The following KDM4C variants were observed in gnomAD, a reference collection of about 807,000 sequenced individuals.
KDM4C encodes lysine demethylase 4C, also known as lysine-specific demethylase 4C.
A neutral mutation model predicts 129.3 loss-of-function variants in KDM4C; 81 were observed. That is an observed-to-expected ratio of 0.63 (90% CI 0.52 to 0.75). The LOEUF (loss-of-function observed/expected upper bound fraction) is 0.75, where lower values mean the gene tolerates loss of function less well. Ranked by LOEUF, KDM4C falls within the 30% of genes least tolerant of loss-of-function variation. The pLI is 0.00. For synonymous variants in KDM4C, 573 were observed against 456.1 expected (o/e 1.26, Z -3.26); for missense variants, 1,457 against 1,304.0 (o/e 1.12, Z -1.81).
chr9:6,770,767 C>CTTTTTTTTTTTTTTTTTTTTTTTTTTT (rs753670348), intron 1 of KDM4C, among the ~76,000 whole-genome samples: 1 of 81,766 alleles, frequency 1.2e-5, no homozygotes, highest in African/African-American at 4.9e-5. Context: ...GATTTTGATC[C>CTTTTTTTTTTTTTTTTTTTTTTTTTTT]TTTTTTTTTT....
At chr9:6,902,584 A>C (rs2130989869) in intron 8 of KDM4C, 1 of 152,262 alleles carries the variant, frequency 6.6e-6, no homozygotes, top group African/African-American at 2.4e-5. Context: ...TGGTGATGGG[A>C]GAACTCGCCT....
chr9:6,784,525 C>G (rs1307291463), intron 1 of KDM4C, among the ~76,000 whole-genome samples: 1 of 152,184 alleles, frequency 6.6e-6, no homozygotes, highest in Non-Finnish European at 1.5e-5. Flanking sequence ...AGCCACCACA[C>G]TCGGCCCACT....
upstream of KDM4C, among the ~76,000 whole-genome samples, chr9:6,753,868 C>CTTTTTTTT (rs869158656): frequency 3.9e-4 from 31 of 80,376 alleles, no homozygotes; most frequent in Middle Eastern, 0.012. Context: ...TCATTGAATT[C>CTTTTTTTT]TTTTTTTTTT....
chr9:6,985,906 A>G (rs993821675), intron 10 of KDM4C, among the ~76,000 whole-genome samples: 3 of 152,134 alleles, frequency 2.0e-5, no homozygotes, highest in African/African-American at 4.8e-5. Context: ...GGCCAGGCTG[A>G]TCTTGAACTT....
In KDM4C at chr9:6,814,658, C is replaced by G; in HGVS notation, c.348C>G (p.Tyr116Ter). ...GKYCTPRYLD[Y>*]EDLERKYWKN... is the part of the protein sequence containing the mutation. Reference sequence around the variant, plus strand: ...ATTGTACTCCAAGATACTTGGATTACGAAGATTTGGAGCGCAAGTACTGGA... The same window carrying G: ...ATTGTACTCCAAGATACTTGGATTAGGAAGATTTGGAGCGCAAGTACTGGA... The change falls in exon 4 of 22, where the codon TAC becomes TAG. Residue 116 changes from tyrosine (Y) to a stop codon, truncating the protein, a stop_gained. Transcript: ENST00000381309. LOFTEE classifies it high-confidence loss of function. 2.5e-6 allele frequency: 4 copies of G among 1,604,780 alleles called. No homozygotes were observed. The highest frequency in any genetic ancestry group is 2.6e-6 in the Non-Finnish European group (3 of 1,175,452).
At chr9:7,081,435 A>G (rs565194846) in intron 17 of KDM4C, among the ~76,000 whole-genome samples, 19 of 152,306 alleles carry the variant, frequency 1.2e-4, no homozygotes, top group African/African-American at 4.6e-4. Flanking sequence ...CCAGTGCCCC[A>G]TCCAGCATAC....
chr9:7,066,846 C>T (rs1244976295), intron 17 of KDM4C, among the ~76,000 whole-genome samples: 3 of 152,148 alleles, frequency 2.0e-5, no homozygotes, highest in Non-Finnish European at 2.9e-5. Flanking sequence ...TAGGAAGAAG[C>T]CATCCAGAGA....
At chr9:7,147,916 C>G (rs1048172898) in intron 19 of KDM4C, among the ~76,000 whole-genome samples, 3 of 152,212 alleles carry the variant, frequency 2.0e-5, no homozygotes, top group African/African-American at 7.2e-5. Context: ...GCCCGCTAGG[C>G]TCGTTCCGTC....
At chr9:7,140,164 A>G (rs770741196) in intron 19 of KDM4C, among the ~76,000 whole-genome samples, 1 of 151,824 alleles carries the variant, frequency 6.6e-6, no homozygotes, top group Non-Finnish European at 1.5e-5. Context: ...GCTGTGACCA[A>G]TTATTAGTTT....
chr9:6,849,508 G>T lies in KDM4C; in HGVS notation c.437G>T (p.Gly146Val), dbSNP rs750849589. ...ADINGSIYDE[G>V]VDEWNIARLN... ...CTCTTTTTTTCTCTCTCATTCCAGG[G>T]TGTGGATGAATGGAACATAGCTCGC... is the stretch of plus-strand genomic sequence containing the variant. The change falls in exon 5 of 22, where the codon GGT (glycine) becomes GTT (valine). Residue 146 changes from glycine to valine, a missense_variant and splice_region_variant. Physicochemically the swap from Gly to Val is moderately radical, Grantham distance 109 (BLOSUM62 -3). Transcript: ENST00000381309. 8.4e-6 allele frequency: 13 copies of T among 1,549,134 alleles called. No individual in the cohort carries two copies. The highest frequency in any genetic ancestry group is 1.1e-5 in the Non-Finnish European group (13 of 1,138,916).
Position 6,826,774 on chromosome 9 carries a change from G to T in KDM4C, c.435+12029G>T, listed in dbSNP as rs529187334. On this transcript the variant is annotated intron_variant, in intron 4 of 21. Coordinates refer to ENST00000381309, the MANE Select transcript of KDM4C (RefSeq NM_015061.6). ...GCCAGCTATTGGGGAAGCTGAGGCAGGAGAATCGCTTGAACCTGGGAGGTA... is the reference window on the plus strand; with the variant it reads ...GCCAGCTATTGGGGAAGCTGAGGCATGAGAATCGCTTGAACCTGGGAGGTA... Among the ~76,000 whole-genome samples, 5 of 152,068 alleles carry T rather than the reference G, an allele frequency of 3.3e-5. No homozygotes were observed. In the East Asian group the frequency reaches 9.6e-4, roughly 29 times the overall value.
At chr9:6,873,203 G>A (rs2130685893) in intron 5 of KDM4C, among the ~76,000 whole-genome samples, 1 of 152,188 alleles carries the variant, frequency 6.6e-6, no homozygotes, top group Middle Eastern at 3.4e-3. Flanking sequence ...CACCATGTTG[G>A]CCAGGCTGGT....
intron 12 of KDM4C, among the ~76,000 whole-genome samples, chr9:7,005,115 C>T (rs1450469733): frequency 6.6e-6 from 1 of 152,116 alleles, no homozygotes; most frequent in Non-Finnish European, 1.5e-5. Flanking sequence ...ATTAAGCACC[C>T]ATGGTAGAAC....
At chr9:6,730,881 G>A (rs746363492) in intron 1 of KDM4C, among the ~76,000 whole-genome samples, 3 of 152,134 alleles carry the variant, frequency 2.0e-5, no homozygotes, top group African/African-American at 7.2e-5. Context: ...CTGCTGGGAT[G>A]GGCCAAGACT....
intron 15 of KDM4C, among the ~76,000 whole-genome samples, chr9:7,045,942 A>G (rs1829326809): frequency 6.6e-6 from 1 of 152,062 alleles, no homozygotes; most frequent in African/African-American, 2.4e-5. Context: ...TTGTTAAGGA[A>G]CATCACTTTA....
rs199741403 is a variant in KDM4C, at chr9:6,954,042, T to C, written c.922-26883T>C. On this transcript the variant is annotated intron_variant, in intron 8 of 21. Transcript: ENST00000381309. Reference sequence around the variant, plus strand: ...AACCTTGCGCATAGGACTTCTTTGCTTTCTCTTCCTTCACTGCATTCATGG... The same window carrying C: ...AACCTTGCGCATAGGACTTCTTTGCCTTCTCTTCCTTCACTGCATTCATGG... 1.2e-4 allele frequency among the ~76,000 whole-genome samples: 18 copies of C among 152,312 alleles called. No homozygotes were observed. The East Asian group carries it at 3.3e-3, about 28-fold the overall frequency.
intron 4 of KDM4C, chr9:6,835,335 C>A: frequency 1.0e-6 from 1 of 980,848 alleles, no homozygotes; most frequent in Non-Finnish European, 1.7e-6. Context: ...ACCTTTACGC[C>A]AACACATTGC....
chr9:6,763,843 C>T (rs879493495), intron 1 of KDM4C, among the ~76,000 whole-genome samples: 4 of 152,120 alleles, frequency 2.6e-5, no homozygotes, highest in Non-Finnish European at 2.9e-5. Context: ...CCACAACCTC[C>T]GCCTCCCAGT....
intron 19 of KDM4C, among the ~76,000 whole-genome samples, chr9:7,145,432 G>A (rs1392753968): frequency 2.0e-5 from 3 of 152,072 alleles, no homozygotes; most frequent in Non-Finnish European, 4.4e-5. Flanking sequence ...ACAGGCTGAT[G>A]GGGGGCGCAC....
Sources: gnomAD v4.1 joint callset for allele counts (sites outside exome capture counted in the v4.1 genomes callset) on GRCh38, gnomAD v4.1.1 for gene constraint, MANE v1.5 for transcripts, NCBI Gene and HGNC (gene_info 2026-07-23, HGNC 2026-07-21) for gene names.